The following FARSB variants were observed in gnomAD, a reference collection of about 807,000 sequenced individuals.
FARSB encodes phenylalanyl-tRNA synthetase subunit beta, also known as phenylalanine--tRNA ligase beta subunit.
FARSB carries 40 observed loss-of-function variants against 69.6 expected under a neutral mutation model. The observed-to-expected ratio is 0.57, with a 90% CI of 0.45 to 0.75. The LOEUF (loss-of-function observed/expected upper bound fraction) is 0.75, where lower values mean the gene tolerates loss of function less well. Ranked by LOEUF, FARSB falls within the 30% of genes least tolerant of loss-of-function variation. The pLI, the probability that FARSB is intolerant of heterozygous loss-of-function variation, is 0.00. For synonymous variants in FARSB, 235 were observed against 247.2 expected, an observed-to-expected ratio of 0.95 and a Z score of 0.46; for missense variants, 632 against 722.9, an observed-to-expected ratio of 0.87 and a Z score of 1.44.
At chr2:222,632,916 G>A (rs929050521) in intron 7 of FARSB, among the ~76,000 whole-genome samples, 19 of 150,726 alleles carry the variant, frequency 1.3e-4, no homozygotes, top group African/African-American at 4.6e-4. Context: ...TGAATTACTT[G>A]CTAAAACCAA....
intron 14 of FARSB, among the ~76,000 whole-genome samples, chr2:222,615,061 CTTCCTA>C (rs1690961652): frequency 6.6e-6 from 1 of 152,058 alleles, no homozygotes; most frequent in Non-Finnish European, 1.5e-5. Context: ...TCATTTCATT[CTTCCTA>C]TTCCTAAGAA....
chr2:222,583,309 T>C (rs1190918936), intron 16 of FARSB, among the ~76,000 whole-genome samples: 1 of 152,214 alleles, frequency 6.6e-6, no homozygotes, highest in Admixed American at 6.5e-5. Context: ...ATTTATTAAT[T>C]ATAATGGAGA....
intron 10 of FARSB, among the ~76,000 whole-genome samples, chr2:222,625,723 G>A (rs1182077313): frequency 6.6e-6 from 1 of 152,154 alleles, no homozygotes; most frequent in African/African-American, 2.4e-5. Context: ...ATTATGAGCT[G>A]AACAGTACGA....
Position 222,576,944 on chromosome 2 carries a change from C to T in FARSB, c.1619-4922G>A, listed in dbSNP as rs569266829. Among the ~76,000 whole-genome samples the T allele has an allele frequency of 2.6e-5, 4 of 152,288 alleles. No individual in the cohort carries two copies. In the South Asian group the frequency reaches 8.3e-4, roughly 32 times the overall value. On this transcript the variant is annotated intron_variant, in intron 16 of 16. Transcript: ENST00000281828. ...GAAACACACACTTATCCCACGTGAG[C>T]ATGGTGTCATTCTTAAAGGTGGCTG... is the stretch of plus-strand genomic sequence containing the variant.
At chr2:222,628,034 C>A (rs531763155) in intron 10 of FARSB, among the ~76,000 whole-genome samples, 110 of 152,236 alleles carry the variant, frequency 7.2e-4, no homozygotes, top group Non-Finnish European at 1.4e-3. Flanking sequence ...GATTTTTTAC[C>A]AAGATCTTAC....
chr2:222,576,326 C>A (rs908215504), intron 16 of FARSB, among the ~76,000 whole-genome samples: 1 of 151,660 alleles, frequency 6.6e-6, no homozygotes, highest in Non-Finnish European at 1.5e-5. Context: ...GTACTGCTTG[C>A]AATCTGATAC....
intron 1 of FARSB, among the ~76,000 whole-genome samples, chr2:222,653,870 C>A (rs1306012183): frequency 6.6e-6 from 1 of 152,114 alleles, no homozygotes; most frequent in Non-Finnish European, 1.5e-5. Context: ...AATCTGCCCA[C>A]CTCGTCCTCC....
chr2:222,644,615 A>T (rs1420639258), intron 2 of FARSB: 2 of 422,938 alleles, frequency 4.7e-6, no homozygotes, highest in Admixed American at 5.1e-5. Context: ...AGGCATCTGC[A>T]TTCATTTTTC....
chr2:222,619,134 T>C (rs931873659), intron 14 of FARSB, among the ~76,000 whole-genome samples: 2 of 149,448 alleles, frequency 1.3e-5, no homozygotes, highest in African/African-American at 4.9e-5. Flanking sequence ...AGAGCGAGAC[T>C]CTGTCTCAAA....
intron 15 of FARSB, among the ~76,000 whole-genome samples, chr2:222,605,887 T>C (rs1690691923): frequency 6.6e-6 from 1 of 152,158 alleles, no homozygotes; most frequent in Non-Finnish European, 1.5e-5. Context: ...CAGTGAGCTA[T>C]GATCATGCCT....
At chr2:222,617,966 G>A (rs974488810) in intron 14 of FARSB, among the ~76,000 whole-genome samples, 4 of 152,196 alleles carry the variant, frequency 2.6e-5, no homozygotes, top group East Asian at 1.9e-4. Context: ...GGTACATTTC[G>A]AATAAGCAAA....
At chr2:222,591,499 T>C (rs1170390057) in intron 16 of FARSB, among the ~76,000 whole-genome samples, 1 of 152,210 alleles carries the variant, frequency 6.6e-6, no homozygotes, top group Non-Finnish European at 1.5e-5. Flanking sequence ...TTGGTATTGC[T>C]ACAATCTTAG....
intron 16 of FARSB, among the ~76,000 whole-genome samples, chr2:222,591,019 C>T: frequency 6.6e-6 from 1 of 151,912 alleles, no homozygotes; most frequent in East Asian, 1.9e-4. Flanking sequence ...AACTCATTTG[C>T]TTGGACACTG....
chr2:222,611,053 A>G lies in FARSB; in HGVS notation c.1462+2758T>C, dbSNP rs114969919. ...AGAGAAGCTCATTTTGTTATGAAACAAAATCCAGGCCTACCTAAACAGAAA... is the reference window on the plus strand; with the variant it reads ...AGAGAAGCTCATTTTGTTATGAAACGAAATCCAGGCCTACCTAAACAGAAA... On this transcript the variant is annotated intron_variant, in intron 15 of 16. Transcript: ENST00000281828. Among the ~76,000 whole-genome samples, 810 of 152,324 alleles carry G rather than the reference A, an allele frequency of 5.3e-3. 9 individuals carry two copies. Among genetic ancestry groups the G allele is most frequent in the African/African-American group, 0.019 (780 of 41,574 alleles).
At chr2:222,638,894 G>A (rs952228241) in intron 5 of FARSB, among the ~76,000 whole-genome samples, 1 of 152,146 alleles carries the variant, frequency 6.6e-6, no homozygotes, top group African/African-American at 2.4e-5. Flanking sequence ...TAATATGTTA[G>A]GCTAAAGTCT....
Position 222,656,034 on chromosome 2 carries a change from C to A in FARSB, c.40G>T (p.Ala14Ser). Reference protein sequence around the residue: ...VSVKRDLLFQALGRTYTDEEF... With the variant: ...VSVKRDLLFQSLGRTYTDEEF... ...CACTCACTGTAGGTGCGGCCCAGGGCTTGGAAGAGCAGATCACGCTTCACG... is the reference window on the plus strand; with the variant it reads ...CACTCACTGTAGGTGCGGCCCAGGGATTGGAAGAGCAGATCACGCTTCACG... The change falls in exon 1 of 17, where the codon GCC becomes TCC. Residue 14 changes from alanine to serine, a missense_variant. By Grantham distance (99) the Ala-to-Ser change is moderately conservative. Transcript: ENST00000281828. 2 of 1,596,624 alleles carry A rather than the reference C, an allele frequency of 1.3e-6. No individual in the cohort carries two copies. Among genetic ancestry groups the A allele is most frequent in the Non-Finnish European group, 8.5e-7 (1 of 1,172,344 alleles).
chr2:222,628,528 T>C (rs1245988210), intron 10 of FARSB, among the ~76,000 whole-genome samples: 3 of 152,226 alleles, frequency 2.0e-5, no homozygotes, highest in African/African-American at 7.2e-5. Context: ...CACAATGTTG[T>C]TGTATAATGT....
chr2:222,591,275 C>G (rs1198644540), intron 16 of FARSB, among the ~76,000 whole-genome samples: 2 of 151,578 alleles, frequency 1.3e-5, no homozygotes, highest in Non-Finnish European at 2.9e-5. Context: ...AATGTTCTGG[C>G]AGACATTCCT....
intron 1 of FARSB, among the ~76,000 whole-genome samples, chr2:222,655,216 A>T (rs575106110): frequency 7.2e-4 from 110 of 152,024 alleles, no homozygotes; most frequent in African/African-American, 2.5e-3. Flanking sequence ...AAAAAAAAAT[A>T]GGGTGGGGCA....
Sources: gnomAD v4.1 joint callset for allele counts (sites outside exome capture counted in the v4.1 genomes callset) on GRCh38, gnomAD v4.1.1 for gene constraint, MANE v1.5 for transcripts, NCBI Gene and HGNC (gene_info 2026-07-23, HGNC 2026-07-21) for gene names.